The following EIF2B2 variants were observed in gnomAD, a reference collection of about 807,000 sequenced individuals.
EIF2B2 encodes the protein eukaryotic translation initiation factor 2B subunit beta.
EIF2B2 carries 34 observed loss-of-function variants against 34.7 expected under a neutral mutation model. The observed-to-expected ratio is 0.98, with a 90% confidence interval of 0.75 to 1.31. The LOEUF is 1.31. Ranked by LOEUF, EIF2B2 falls within the 50% of genes most tolerant of loss-of-function variation. The pLI, the probability that EIF2B2 is intolerant of heterozygous loss-of-function variation, is 0.00. For synonymous variants in EIF2B2, 155 were observed against 171.6 expected (o/e 0.90, Z 0.76); for missense variants, 361 against 447.7 (o/e 0.81, Z 1.75).
In EIF2B2 at chr14:75,006,667, T is replaced by C; in HGVS notation, c.784T>C (p.Ser262Pro). Residue 262 changes from serine (S) to proline (P), a missense_variant, in exon 6 of 8, where the codon TCC becomes CCC. Coordinates refer to ENST00000266126, the MANE Select transcript of EIF2B2 (RefSeq NM_014239.4). This position sits in a 1 kb window ranked among gnomAD's most constrained non-coding sequence, Gnocchi z 4.1. ...TCTGGCACTGGCAGCAAAACACCAT[T>C]CCACCCCACTCATCGTCTGTGCACC... The part of the protein sequence containing the change: ...HTLALAAKHH[S>P]TPLIVCAPMF... The C allele has an allele frequency of 6.2e-7, 1 of 1,614,152 alleles. No individual in the cohort carries two copies. Among genetic ancestry groups the C allele is most frequent in the Non-Finnish European group, 8.5e-7 (1 of 1,180,018 alleles).
intron 3 of EIF2B2, 147 bp downstream of exon 3, chr14:75,003,846 T>G: frequency 8.0e-7 from 1 of 1,250,528 alleles, no homozygotes; most frequent in African/African-American, 1.5e-5. Context: ...TAGGAAATGT[T>G]GCAACAGGTG....
In EIF2B2 at chr14:75,006,646, G is replaced by A; in HGVS notation, c.763G>A (p.Ala255Thr). 1 of 1,614,166 alleles carries A rather than the reference G, an allele frequency of 6.2e-7. No homozygotes were observed. The highest frequency in any genetic ancestry group is 8.5e-7 in the Non-Finnish European group (1 of 1,180,034). The change falls in exon 6 of 8, where the codon GCA becomes ACA. Residue 255 changes from alanine to threonine, a missense_variant. Transcript: ENST00000266126. This position sits in a 1 kb window ranked among gnomAD's most constrained non-coding sequence, Gnocchi z 4.1. ...AGCTGTGACAGGAACTCACACTCTG[G>A]CACTGGCAGCAAAACACCATTCCAC... ...LRAVTGTHTLALAAKHHSTPL... is the reference protein window; with the variant it reads ...LRAVTGTHTLTLAAKHHSTPL...
intron 6 of EIF2B2, chr14:75,007,024 A>G (rs1433295271): frequency 3.8e-6 from 2 of 525,182 alleles, no homozygotes; most frequent in Non-Finnish European, 3.7e-6. Context: ...AGCAGGTTGA[A>G]AGTAGGATCA....
At position 75,012,334 on chromosome 14, in the gene EIF2B2, C is replaced by G. The variant is rs556278239; in HGVS notation, c.*3146C>G. 4 of 152,238 alleles carry G rather than the reference C, an allele frequency of 2.6e-5. No individual in the cohort carries two copies. The highest frequency in any genetic ancestry group is 5.9e-5 in the Non-Finnish European group (4 of 68,024). The allele number at this position is 152,238 out of a possible 1,614,324, so 9.4% of individuals were successfully genotyped here. A position where few individuals can be genotyped will look rare whatever the true frequency, so the allele number is the denominator to read the frequency against. On this transcript the variant is annotated 3_prime_UTR_variant, in exon 8 of 8. Coordinates refer to ENST00000266126, the MANE Select transcript of EIF2B2 (RefSeq NM_014239.4). ...GGATTCCATGGATGTGAAAGTCTTC[C>G]TCAATATGCTAAATAAACCAAGTTA... is the stretch of plus-strand genomic sequence containing the variant.
chr14:75,011,230 G>A lies in EIF2B2; in HGVS notation c.*2042G>A, dbSNP rs552016019. 11 of 152,172 alleles carry A rather than the reference G, an allele frequency of 7.2e-5. No homozygotes were observed. Among genetic ancestry groups the A allele is most frequent in the African/African-American group, 2.6e-4 (11 of 41,530 alleles). The allele number at this position is 152,172 out of a possible 1,614,324, so 9.4% of individuals were successfully genotyped here. A position where few individuals can be genotyped will look rare whatever the true frequency, so the allele number is the denominator to read the frequency against. ...AACAAAATTATATGTACACGCATAGGGAAACAGTATAGAAGTATAATACCA... is the reference window on the plus strand; with the variant it reads ...AACAAAATTATATGTACACGCATAGAGAAACAGTATAGAAGTATAATACCA... On this transcript the variant is annotated 3_prime_UTR_variant, in exon 8 of 8. Transcript: ENST00000266126.
rs142228472 is a variant in EIF2B2, at chr14:75,010,968, C to G, written c.*1780C>G. 5.9e-4 allele frequency: 90 copies of G among 152,302 alleles called. 1 individual carries two copies. Among genetic ancestry groups the G allele is most frequent in the African/African-American group, 2.0e-3 (85 of 41,568 alleles). 9.4% of individuals were successfully genotyped at this position (152,302 alleles called of 1,614,324 possible). A position where few individuals can be genotyped will look rare whatever the true frequency, so the allele number is the denominator to read the frequency against. On this transcript the variant is annotated 3_prime_UTR_variant, in exon 8 of 8. Coordinates refer to ENST00000266126, the MANE Select transcript of EIF2B2 (RefSeq NM_014239.4). The stretch of plus-strand genomic sequence containing the variant: ...CTTTGGGAGGCTGAGGAGGGCAGAT[C>G]ACTTGAGGTCAGGAGTTTGAGACCA...
In EIF2B2 at chr14:75,006,578, T is replaced by C; in HGVS notation, c.695T>C (p.Val232Ala). The change falls in exon 6 of 8, where the codon GTG (valine) becomes GCG (alanine). Residue 232 changes from valine to alanine, a missense_variant and splice_region_variant. By Grantham distance (64) the Val-to-Ala change is moderately conservative. Transcript: ENST00000266126. The surrounding 1 kb of genome is among the most constrained non-coding windows in gnomAD (Gnocchi z 4.1). ...IFAVMSRVNK[V>A]IIGTKTILAN... The stretch of plus-strand genomic sequence containing the variant: ...CACATTTTTTGTCTTGTCCCAAAGG[T>C]GATCATTGGCACGAAGACCATCCTG... The C allele has an allele frequency of 6.2e-7, 1 of 1,613,858 alleles. No individual in the cohort carries two copies. Among genetic ancestry groups the C allele is most frequent in the East Asian group, 2.2e-5 (1 of 44,884 alleles).
At chr14:75,007,913 T>A (rs1355364014) in intron 7 of EIF2B2, 125 bp downstream of exon 7, 1 of 906,598 alleles carries the variant, frequency 1.1e-6, no homozygotes, top group Non-Finnish European at 1.8e-6. Flanking sequence ...TTGTGTTTTT[T>A]ATCATACTTC....
chr14:75,004,728 T>A lies in EIF2B2; in HGVS notation c.434-9T>A. 9.1e-6 allele frequency: 9 copies of A among 983,814 alleles called. No homozygotes were observed. Among genetic ancestry groups the A allele is most frequent in the East Asian group, 5.9e-5 (2 of 33,842 alleles). The allele number at this position is 983,814 out of a possible 1,614,324, so 60.9% of individuals were successfully genotyped here. Reference sequence around the variant, plus strand: ...TTTTTTTTTTTTTTTTGCAAAACCGTTCTTACAGAAGGGACAATGGAGAAC... The same window carrying A: ...TTTTTTTTTTTTTTTTGCAAAACCGATCTTACAGAAGGGACAATGGAGAAC... On this transcript the variant is annotated splice_polypyrimidine_tract_variant and intron_variant, in intron 3 of 7. Coordinates refer to ENST00000266126, the MANE Select transcript of EIF2B2 (RefSeq NM_014239.4).
In EIF2B2 at chr14:75,006,795, A is replaced by G; in HGVS notation, c.831+81A>G. ...AGGCTTGAACTCTGGGACTTCAACC[A>G]CCTCACTCCAGGGCCTCCATTTATC... is the stretch of plus-strand genomic sequence containing the variant. On this transcript the variant is annotated intron_variant, in intron 6 of 7. Coordinates refer to ENST00000266126, the MANE Select transcript of EIF2B2 (RefSeq NM_014239.4). This position sits in a 1 kb window ranked among gnomAD's most constrained non-coding sequence, Gnocchi z 4.1. The G allele has an allele frequency of 6.3e-7, 1 of 1,582,744 alleles. No homozygotes were observed. The highest frequency in any genetic ancestry group is 8.6e-7 in the Non-Finnish European group (1 of 1,157,350).
At chr14:75,005,820 A>G (rs916774047) in intron 4 of EIF2B2, 46 bp from the exon 5 acceptor site, 1 of 1,442,100 alleles carries the variant, frequency 6.9e-7, no homozygotes, top group South Asian at 1.1e-5. Context: ...ACTTTTCACT[A>G]TTTCTCACTC....
At chr14:75,007,920 C>T (rs1889651410) in intron 7 of EIF2B2, 132 bp downstream of exon 7, 8 of 848,898 alleles carry the variant, frequency 9.4e-6, no homozygotes, top group Non-Finnish European at 1.5e-5. Flanking sequence ...TTTTATCATA[C>T]TTCTTGTGGG....
intron 4 of EIF2B2, 197 bp downstream of exon 4, chr14:75,005,097 G>A: frequency 1.6e-6 from 1 of 633,230 alleles, no homozygotes; most frequent in Non-Finnish European, 2.7e-6. Flanking sequence ...GAAAGTTGGG[G>A]CCGGGAGCGA....
rs907307477 is a variant in EIF2B2, at chr14:75,003,013, G to T, written c.23G>T (p.Gly8Val). Residue 8 changes from glycine (G) to valine (V), a missense_variant, in exon 1 of 8, where the codon GGC becomes GTC. Physicochemically the swap from Gly to Val is moderately radical, Grantham distance 109 (BLOSUM62 -3). Transcript: ENST00000266126. ...AAGATGCCGGGATCCGCAGCGAAGG[G>T]CTCGGAGTTGTCAGAGAGGATCGAG... MPGSAAK[G>V]SELSERIESF... 6.2e-7 allele frequency: 1 copy of T among 1,614,156 alleles called. No individual in the cohort carries two copies. The highest frequency in any genetic ancestry group is 2.2e-5 in the East Asian group (1 of 44,882).
At chr14:75,007,646 T>C (rs1180001177) in intron 6 of EIF2B2, 76 bp from the exon 7 acceptor site, 3 of 1,240,448 alleles carry the variant, frequency 2.4e-6, no homozygotes, top group Non-Finnish European at 3.5e-6. Context: ...TGTGGACATA[T>C]GTTTTCATCT....
intron 4 of EIF2B2, chr14:75,005,218 A>T: frequency 2.9e-6 from 1 of 348,982 alleles, no homozygotes; most frequent in Non-Finnish European, 5.6e-6. Context: ...CTCCACTAAA[A>T]ATACAAAAAT....
At chr14:75,004,682 TATATA>T (rs1889593625) in intron 3 of EIF2B2, 50 bp from the exon 4 acceptor site, 1 of 179,000 alleles carries the variant, frequency 5.6e-6, no homozygotes, top group Non-Finnish European at 7.5e-6. Context: ...TATATATATA[TATATA>T]TATTTTTTTT....
rs141355163 is a variant in EIF2B2 at position 75,003,066 on chromosome 14, G to T, written c.76G>T (p.Gly26Cys). Reference sequence around the variant, plus strand: ...CTTCGTGGAGACCCTGAAGCGGGGTGGTGGGCCGCGCAGCTCCGAGGAAAT... The same window carrying T: ...CTTCGTGGAGACCCTGAAGCGGGGTTGTGGGCCGCGCAGCTCCGAGGAAAT... Reference protein sequence around the residue: ...ESFVETLKRGGGPRSSEEMAR... With the variant: ...ESFVETLKRGCGPRSSEEMAR... The change falls in exon 1 of 8, where the codon GGT becomes TGT. Residue 26 changes from glycine to cysteine, a missense_variant. Physicochemically the swap from Gly to Cys is radical, Grantham distance 159. Coordinates refer to ENST00000266126, the MANE Select transcript of EIF2B2 (RefSeq NM_014239.4). The T allele has an allele frequency of 2.5e-6, 4 of 1,613,972 alleles. No individual in the cohort carries two copies. The African/African-American group carries it at 4.0e-5, about 16-fold the overall frequency.
At chr14:75,005,376 C>CA (rs533192742) in intron 4 of EIF2B2, among the ~76,000 whole-genome samples, 3,521 of 113,766 alleles carry the variant, frequency 0.031, 69 homozygotes, top group South Asian at 0.069. Context: ...GACTCTGTCT[C>CA]AAAAAAAAAA....
Sources: allele counts gnomAD v4.1 joint callset (sites outside exome capture counted in the v4.1 genomes callset), GRCh38; gene constraint gnomAD v4.1.1; non-coding constraint Gnocchi (gnomAD v3.1); transcripts MANE v1.5; gene names NCBI Gene and HGNC (gene_info 2026-07-23, HGNC 2026-07-21).